Variants in ZFYVE28 observed in about 807,000 individuals in gnomAD.
The protein encoded by ZFYVE28 is zinc finger FYVE-type containing 28.
Under a neutral mutation model 82.1 loss-of-function variants are expected in ZFYVE28, and 40 were observed. That is an observed-to-expected ratio of 0.49 (90% confidence interval 0.38 to 0.63). The LOEUF (loss-of-function observed/expected upper bound fraction) is 0.63, where lower values mean the gene tolerates loss of function less well. Ranked by LOEUF, ZFYVE28 falls within the 30% of genes least tolerant of loss-of-function variation. The probability of loss-of-function intolerance (pLI) is 0.00; values close to 1 mark genes in which losing one functional copy is unlikely to be tolerated. For synonymous variants in ZFYVE28, 612 were observed against 546.1 expected (o/e 1.12, Z -1.68); for missense variants, 1,321 against 1,242.1 (o/e 1.06, Z -0.96).
chr4:2,383,411 C>T (rs532547458), intron 1 of ZFYVE28, among the ~76,000 whole-genome samples: 11 of 152,230 alleles, frequency 7.2e-5, no homozygotes, highest in African/African-American at 1.4e-4. Context: ...TTTTGCCTTC[C>T]GCCATGATTC....
chr4:2,348,443 A>G (rs1284811600), intron 2 of ZFYVE28, among the ~76,000 whole-genome samples: 4 of 152,226 alleles, frequency 2.6e-5, no homozygotes, highest in African/African-American at 4.8e-5. Flanking sequence ...TTCACAACTC[A>G]TCTATGACAC....
chr4:2,365,307 G>A lies in ZFYVE28; in HGVS notation c.40-11234C>T, dbSNP rs575580872. On this transcript the variant is annotated intron_variant, in intron 1 of 12. Transcript: ENST00000290974. ...AGGGCGTGAGGAGGGGCCGCGCGGC[G>A]CCTGTCACTCGAGCCTGGAGCGCTG... 2.4e-4 allele frequency among the ~76,000 whole-genome samples: 37 copies of A among 152,178 alleles called. No individual in the cohort carries two copies. The South Asian group carries it at 3.9e-3, about 16-fold the overall frequency.
At chr4:2,303,102 C>T (rs1404238167) in intron 8 of ZFYVE28, among the ~76,000 whole-genome samples, 7 of 152,268 alleles carry the variant, frequency 4.6e-5, no homozygotes, top group Middle Eastern at 3.4e-3. Context: ...TGGGGAGGGA[C>T]ACCGGGAACC....
At chr4:2,354,473 T>C (rs75119441) in intron 1 of ZFYVE28, among the ~76,000 whole-genome samples, 1 of 150,932 alleles carries the variant, frequency 6.6e-6, no homozygotes, top group Non-Finnish European at 1.5e-5. Flanking sequence ...TTTTTTTTTT[T>C]TTGAGATGGA....
At chr4:2,361,758 G>C (rs895398417) in intron 1 of ZFYVE28, among the ~76,000 whole-genome samples, 6 of 152,182 alleles carry the variant, frequency 3.9e-5, no homozygotes, top group African/African-American at 1.4e-4. Context: ...CGGTAAGGGG[G>C]TAAGGGCCCA....
intron 8 of ZFYVE28, 47 bp downstream of exon 8, chr4:2,304,242 C>A (rs1338851483): frequency 6.6e-7 from 1 of 1,508,036 alleles, no homozygotes; most frequent in Admixed American, 2.2e-5. Flanking sequence ...ACCTGCCCCC[C>A]AGTGCAGAGA....
intron 1 of ZFYVE28, among the ~76,000 whole-genome samples, chr4:2,392,401 T>G (rs180900679): frequency 6.6e-6 from 1 of 152,240 alleles, no homozygotes; most frequent in African/African-American, 2.4e-5. Context: ...AGAACAAACA[T>G]GACAACTACA....
intron 2 of ZFYVE28, among the ~76,000 whole-genome samples, chr4:2,346,346 A>C (rs1278639964): frequency 6.6e-6 from 1 of 151,366 alleles, no homozygotes; most frequent in Non-Finnish European, 1.5e-5. Context: ...CATCTCAAAA[A>C]AAAAAAAAGA....
intron 8 of ZFYVE28, among the ~76,000 whole-genome samples, chr4:2,276,872 C>T (rs968010597): frequency 3.3e-5 from 5 of 152,000 alleles, no homozygotes; most frequent in Non-Finnish European, 4.4e-5. Flanking sequence ...GAGGACGTTG[C>T]GGAGATGATG....
chr4:2,288,545 G>C (rs923632789), intron 8 of ZFYVE28, among the ~76,000 whole-genome samples: 6 of 152,250 alleles, frequency 3.9e-5, no homozygotes, highest in Admixed American at 1.3e-4. Context: ...GGGAGGTCCT[G>C]CCATGGGGAG....
At chr4:2,390,089 G>A (rs542438141) in intron 1 of ZFYVE28, among the ~76,000 whole-genome samples, 2 of 152,228 alleles carry the variant, frequency 1.3e-5, no homozygotes, top group Non-Finnish European at 2.9e-5. Flanking sequence ...ATGAGATCCT[G>A]AATTATCTGA....
At chr4:2,334,933 C>CTGGCAGGG (rs1185137719) in intron 6 of ZFYVE28, among the ~76,000 whole-genome samples, 15 of 148,508 alleles carry the variant, frequency 1.0e-4, no homozygotes, top group African/African-American at 3.4e-4. Context: ...GACCATCCGC[C>CTGGCAGGG]TGGCAGGGGC....
chr4:2,399,032 G>GGGTGAGATCCAGGGCACAAGCGTCGA (rs1730834307), intron 1 of ZFYVE28, among the ~76,000 whole-genome samples: 1 of 50,346 alleles, frequency 2.0e-5, no homozygotes, highest in Non-Finnish European at 4.8e-5. Flanking sequence ...GCACAAGGTG[G>GGGTGAGATCCAGGGCACAAGCGTCGA]GGTGAGATCC....
Position 2,341,306 on chromosome 4 carries a change from G to A in ZFYVE28, c.318+172C>T. 1 of 825,046 alleles carries A rather than the reference G, an allele frequency of 1.2e-6. No individual in the cohort carries two copies. The allele number at this position is 825,046 out of a possible 1,614,324, so 51.1% of individuals were successfully genotyped here. ...GTTCATGGCTTTCCCAGATCCTCCA[G>A]GGGTGCACGGCCTACCAGGCTCAGA... is the stretch of plus-strand genomic sequence containing the variant. On this transcript the variant is annotated intron_variant, in intron 3 of 12. Transcript: ENST00000290974. This position sits in a 1 kb window ranked among gnomAD's most constrained non-coding sequence, Gnocchi z 4.5.
intron 8 of ZFYVE28, among the ~76,000 whole-genome samples, chr4:2,294,928 C>A (rs1321471080): frequency 6.6e-6 from 1 of 150,624 alleles, no homozygotes; most frequent in Admixed American, 6.6e-5. Flanking sequence ...CCAGCCTGGG[C>A]AACATAGCGA....
chr4:2,360,426 C>CAG (rs1553854001), intron 1 of ZFYVE28, among the ~76,000 whole-genome samples: 2 of 151,018 alleles, frequency 1.3e-5, no homozygotes, highest in Non-Finnish European at 1.5e-5. Context: ...CACACACACA[C>CAG]AGGCACGCAC....
At chr4:2,295,336 A>AT (rs11308959) in intron 8 of ZFYVE28, among the ~76,000 whole-genome samples, 98 of 145,280 alleles carry the variant, frequency 6.7e-4, no homozygotes, top group East Asian at 2.3e-3. Context: ...TAAATTTTGT[A>AT]TTTTTTTTTT....
rs997924050 is a variant in ZFYVE28, at chr4:2,269,800, T to C, written c.*925A>G. On this transcript the variant is annotated 3_prime_UTR_variant, in exon 13 of 13. Coordinates refer to ENST00000290974, the MANE Select transcript of ZFYVE28 (RefSeq NM_020972.3). Reference sequence around the variant, plus strand: ...GGTGTGTCATCTCCAAAAATAAAACTGCAATCGTCATTGCAATGTGAAGCC... The same window carrying C: ...GGTGTGTCATCTCCAAAAATAAAACCGCAATCGTCATTGCAATGTGAAGCC... The C allele has an allele frequency of 2.0e-5, 3 of 152,204 alleles. No individual in the cohort carries two copies. The highest frequency in any genetic ancestry group is 4.1e-4 in the South Asian group (2 of 4,832). The allele number at this position is 152,204 out of a possible 1,614,324, so 9.4% of individuals were successfully genotyped here. A position where few individuals can be genotyped will look rare whatever the true frequency, so the allele number is the denominator to read the frequency against.
chr4:2,378,053 T>C (rs1427263165), intron 1 of ZFYVE28, among the ~76,000 whole-genome samples: 8 of 152,152 alleles, frequency 5.3e-5, no homozygotes, highest in African/African-American at 1.9e-4. Flanking sequence ...ACGGTTATCC[T>C]AACAGGCTGG....
Sources: allele counts gnomAD v4.1 joint callset (sites outside exome capture counted in the v4.1 genomes callset), GRCh38; gene constraint gnomAD v4.1.1; non-coding constraint Gnocchi (gnomAD v3.1); transcripts MANE v1.5; gene names NCBI Gene and HGNC (gene_info 2026-07-23, HGNC 2026-07-21).